The following PHF21A variants were observed in gnomAD, a reference collection of about 807,000 sequenced individuals.
PHF21A encodes the protein BHC80a.
Under a neutral mutation model 82.5 loss-of-function variants are expected in PHF21A, and 11 were observed. The observed-to-expected ratio is 0.13, with a 90% CI of 0.08 to 0.22. PHF21A has a LOEUF of 0.22. PHF21A is among the 10% of genes least tolerant of loss of function. The pLI is 1.00. For missense variants in PHF21A, 579 were observed against 837.8 expected (o/e 0.69, Z 3.81); for synonymous variants, 297 against 302.8 (o/e 0.98, Z 0.20).
intron 1 of PHF21A, among the ~76,000 whole-genome samples, chr11:46,108,287 T>G (rs1452117078): frequency 6.6e-6 from 1 of 152,102 alleles, no homozygotes; most frequent in Admixed American, 6.5e-5. Context: ...ATTACTTATA[T>G]AGGACAGAAA....
Position 46,034,978 on chromosome 11 carries a change from G to A in PHF21A, c.153+41776C>T, listed in dbSNP as rs72904373. On this transcript the variant is annotated intron_variant, in intron 6 of 18. Transcript: ENST00000676320. The stretch of plus-strand genomic sequence containing the variant: ...CTCTGCCACACAGAGTTAGCCTACC[G>A]TAGTTAAAAATGAAGTGGAGAACAT... 1.2e-3 allele frequency among the ~76,000 whole-genome samples: 185 copies of A among 152,298 alleles called. 1 individual carries two copies. Among genetic ancestry groups the A allele is most frequent in the Middle Eastern group, 6.8e-3 (2 of 294 alleles).
intron 6 of PHF21A, among the ~76,000 whole-genome samples, chr11:46,039,805 C>A (rs1268904647): frequency 6.6e-6 from 1 of 152,158 alleles, no homozygotes; most frequent in East Asian, 1.9e-4. Flanking sequence ...GAGTCCTTGA[C>A]TAAAGTCAGA....
chr11:45,978,711 C>G (rs1055486845), intron 7 of PHF21A, among the ~76,000 whole-genome samples: 2 of 152,204 alleles, frequency 1.3e-5, no homozygotes, highest in African/African-American at 4.8e-5. Flanking sequence ...TAGCTTTCAA[C>G]AGAGTCATAA....
chr11:45,950,171 GA>G (rs1251586466), intron 12 of PHF21A, 34 bp downstream of exon 12: 65 of 1,524,744 alleles, frequency 4.3e-5, no homozygotes, highest in South Asian at 9.5e-5. Flanking sequence ...CTGTGGGCCA[GA>G]AAAAAAGGCA....
At position 46,076,747 on chromosome 11, in the gene PHF21A, C is replaced by T. The variant is rs762556129; in HGVS notation, c.153+7G>A. On this transcript the variant is annotated splice_region_variant and intron_variant, in intron 6 of 18. Coordinates refer to ENST00000676320, the MANE Select transcript of PHF21A (RefSeq NM_001352027.3). ...TAAAAATATGCCCCCCTCCCCTTTTCCCCTACCTGTTTCTCACTCAAAGCT... is the reference window on the plus strand; with the variant it reads ...TAAAAATATGCCCCCCTCCCCTTTTTCCCTACCTGTTTCTCACTCAAAGCT... 9 of 1,609,318 alleles carry T rather than the reference C, an allele frequency of 5.6e-6. No homozygotes were observed. In the African/African-American group the frequency reaches 8.0e-5, roughly 14 times the overall value.
intron 6 of PHF21A, among the ~76,000 whole-genome samples, chr11:45,984,201 G>A (rs1211074753): frequency 2.6e-5 from 4 of 152,114 alleles, no homozygotes; most frequent in East Asian, 3.9e-4. Context: ...GAACAAAGAC[G>A]GAAGGGAGAG....
At chr11:46,004,797 T>TA (rs2095252632) in intron 6 of PHF21A, among the ~76,000 whole-genome samples, 1 of 152,130 alleles carries the variant, frequency 6.6e-6, no homozygotes, top group African/African-American at 2.4e-5. Context: ...CTTTGTAAAA[T>TA]ACAGTTTATG....
At chr11:45,953,192 T>A (rs1234857146) in intron 11 of PHF21A, among the ~76,000 whole-genome samples, 4 of 152,220 alleles carry the variant, frequency 2.6e-5, no homozygotes. Context: ...CAGAACACAG[T>A]AATGATTAGG....
intron 10 of PHF21A, among the ~76,000 whole-genome samples, chr11:45,963,754 CTG>C (rs2093261984): frequency 6.6e-6 from 1 of 152,134 alleles, no homozygotes; most frequent in African/African-American, 2.4e-5. Flanking sequence ...CTGTGGAACA[CTG>C]AGGCTCCTCA....
chr11:46,084,846 A>G (rs1206078480), intron 3 of PHF21A, among the ~76,000 whole-genome samples: 1 of 151,820 alleles, frequency 6.6e-6, no homozygotes, highest in Non-Finnish European at 1.5e-5. Context: ...CGCCCGGCTC[A>G]TTTTTTTATA....
At chr11:46,058,104 T>C (rs1159065137) in intron 6 of PHF21A, among the ~76,000 whole-genome samples, 1 of 152,174 alleles carries the variant, frequency 6.6e-6, no homozygotes, top group Non-Finnish European at 1.5e-5. Context: ...CACTTAAACC[T>C]GCAGAAAACA....
rs2087704388 is a variant in PHF21A at position 45,932,157 on chromosome 11, T to G, written c.*1811A>C. ...AAGGGCTGATGCAGCCAGCCTGTAC[T>G]CCCGCACCCTCCTGTCACGGCCAGG... On this transcript the variant is annotated 3_prime_UTR_variant, in exon 19 of 19. Transcript: ENST00000676320. This position sits in a 1 kb window ranked among gnomAD's most constrained non-coding sequence, Gnocchi z 4.3. 6.6e-6 allele frequency: 1 copy of G among 151,980 alleles called. No individual in the cohort carries two copies. Among genetic ancestry groups the G allele is most frequent in the African/African-American group, 2.4e-5 (1 of 41,330 alleles). 9.4% of individuals were successfully genotyped at this position (151,980 alleles called of 1,614,324 possible). A position where few individuals can be genotyped will look rare whatever the true frequency, so the allele number is the denominator to read the frequency against.
At chr11:45,967,891 C>T (rs1264737919) in intron 9 of PHF21A, among the ~76,000 whole-genome samples, 2 of 152,200 alleles carry the variant, frequency 1.3e-5, no homozygotes, top group Non-Finnish European at 2.9e-5. Context: ...ATAGAGAACA[C>T]AGTATGTGCT....
intron 1 of PHF21A, among the ~76,000 whole-genome samples, chr11:46,094,028 C>A (rs576048171): frequency 6.6e-6 from 1 of 152,044 alleles, no homozygotes; most frequent in Admixed American, 6.6e-5. Flanking sequence ...ACCACAGAAT[C>A]GGAGGTGATA....
chr11:46,095,916 T>C (rs1325732462), intron 1 of PHF21A, among the ~76,000 whole-genome samples: 3 of 152,192 alleles, frequency 2.0e-5, no homozygotes, highest in Admixed American at 6.5e-5. Context: ...CACTTTAAAA[T>C]GTCACCTTAC....
intron 6 of PHF21A, among the ~76,000 whole-genome samples, chr11:46,016,857 C>T (rs1354893321): frequency 3.3e-5 from 5 of 151,782 alleles, no homozygotes; most frequent in Non-Finnish European, 7.4e-5. Context: ...TAAACAGACA[C>T]GACCTCAACC....
At chr11:46,107,805 C>T (rs575402558) in intron 1 of PHF21A, among the ~76,000 whole-genome samples, 1 of 151,982 alleles carries the variant, frequency 6.6e-6, no homozygotes, top group Non-Finnish European at 1.5e-5. Flanking sequence ...GTATGTCTTT[C>T]TAAATATAAT....
At chr11:46,074,759 T>C (rs1043595808) in intron 6 of PHF21A, among the ~76,000 whole-genome samples, 1 of 152,180 alleles carries the variant, frequency 6.6e-6, no homozygotes, top group Non-Finnish European at 1.5e-5. Context: ...CACCTTGGCC[T>C]CCCAAAGTGC....
chr11:45,938,275 T>C lies in PHF21A; in HGVS notation c.1490A>G (p.Lys497Arg). 6.2e-7 allele frequency: 1 copy of C among 1,611,702 alleles called. No individual in the cohort carries two copies. Among genetic ancestry groups the C allele is most frequent in the East Asian group, 2.2e-5 (1 of 44,850 alleles). ...IHEDFCSVCR[K>R]SGQLLMCDTC... ...GTCGCACATCAGTAACTGGCCACTT[T>C]TTCTGCAAACGCTGCAAAAATCCTC... The change falls in exon 16 of 19, where the codon AAA (lysine) becomes AGA (arginine). Residue 497 changes from lysine (K) to arginine (R), a missense_variant. Physicochemically the swap from Lys to Arg is conservative, Grantham distance 26 (BLOSUM62 2). Transcript: ENST00000676320.
Sources: gnomAD v4.1 joint callset for allele counts (sites outside exome capture counted in the v4.1 genomes callset) on GRCh38, gnomAD v4.1.1 for gene constraint, Gnocchi (gnomAD v3.1) non-coding constraint, MANE v1.5 for transcripts, NCBI Gene and HGNC (gene_info 2026-07-23, HGNC 2026-07-21) for gene names.